SCARA5: variants seen among roughly 807,000 people sequenced by gnomAD.
SCARA5 encodes scavenger receptor class A member 5, also known as scavenger receptor class A, member 5 (putative).
In SCARA5, 45 loss-of-function variants were observed where a neutral mutation model predicts 46.3. That is an observed-to-expected ratio of 0.97 (90% CI 0.76 to 1.24). The LOEUF (loss-of-function observed/expected upper bound fraction) is 1.24. Ranked by LOEUF, SCARA5 falls within the 50% of genes most tolerant of loss-of-function variation. SCARA5 has a pLI of 0.00. For missense variants in SCARA5, 680 were observed against 689.0 expected, an observed-to-expected ratio of 0.99 and a Z score of 0.15; for synonymous variants, 333 against 306.5, an observed-to-expected ratio of 1.09 and a Z score of -0.90.
chr8:27,919,500 C>T (rs142987916), intron 4 of SCARA5, among the ~76,000 whole-genome samples: 22 of 152,222 alleles, frequency 1.4e-4, no homozygotes, highest in Non-Finnish European at 1.6e-4. Flanking sequence ...CAGACCTTGT[C>T]AACCTGGGTC....
chr8:27,974,330 T>G (rs1808491531), intron 2 of SCARA5, among the ~76,000 whole-genome samples: 1 of 152,164 alleles, frequency 6.6e-6, no homozygotes, highest in Admixed American at 6.5e-5. Context: ...AGTTTCTTAG[T>G]CATAATTTTA....
intron 3 of SCARA5, among the ~76,000 whole-genome samples, chr8:27,948,371 G>A (rs1808069959): frequency 6.6e-6 from 1 of 152,204 alleles, no homozygotes; most frequent in African/African-American, 2.4e-5. Flanking sequence ...AGGCAGGGAG[G>A]CCCCAGCTCA....
intron 3 of SCARA5, among the ~76,000 whole-genome samples, chr8:27,952,749 C>T (rs1459098961): frequency 2.6e-5 from 4 of 152,204 alleles, no homozygotes; most frequent in Non-Finnish European, 5.9e-5. Context: ...GGACAATGGA[C>T]TGTGTGCAAG....
intron 7 of SCARA5, among the ~76,000 whole-genome samples, chr8:27,884,131 C>T (rs551615993): frequency 7.7e-4 from 117 of 152,282 alleles, no homozygotes; most frequent in Non-Finnish European, 1.4e-3. Context: ...AAGACTACAG[C>T]GAGAGCACCA....
chr8:27,935,320 G>T (rs6989421), intron 3 of SCARA5, among the ~76,000 whole-genome samples: 5,082 of 152,250 alleles, frequency 0.033, 279 homozygotes, highest in African/African-American at 0.11. Context: ...TAAAGAAGAG[G>T]TCACAGCATC....
chr8:27,904,003 G>A (rs1012965017), intron 7 of SCARA5, among the ~76,000 whole-genome samples: 8 of 142,268 alleles, frequency 5.6e-5, no homozygotes, highest in African/African-American at 2.1e-4. Flanking sequence ...ATTCTTCTCT[G>A]GCAAGTCTCC....
intron 3 of SCARA5, among the ~76,000 whole-genome samples, chr8:27,953,387 A>G (rs1029753600): frequency 6.6e-6 from 1 of 152,232 alleles, no homozygotes; most frequent in Non-Finnish European, 1.5e-5. Context: ...ATTTTCATTG[A>G]CGCATTGCTC....
Position 27,879,606 on chromosome 8 carries a change from A to T in SCARA5, c.1314T>A (p.Gly438=). 3 of 1,610,524 alleles carry T rather than the reference A, an allele frequency of 1.9e-6. No individual in the cohort carries two copies. Residue 438 remains glycine, a synonymous_variant, in exon 8 of 9, where the codon GGT becomes GGA. Coordinates refer to ENST00000354914, the MANE Select transcript of SCARA5 (RefSeq NM_173833.6). ...DVVCRMLGFR[G]VEEVYRTARF... is the part of the protein sequence containing the mutation. ...GAGCTGTGCGGTACACCTCCTCCAC[A>T]CCGCGGAAGCCGAGCATGCGGCACA...
At chr8:27,921,213 C>T (rs544192891) in intron 4 of SCARA5, among the ~76,000 whole-genome samples, 1 of 152,356 alleles carries the variant, frequency 6.6e-6, no homozygotes, top group South Asian at 2.1e-4. Context: ...GTTCTGCCCC[C>T]AGCCTCAAGC....
rs1376825992 is a variant in SCARA5 at position 27,922,031 on chromosome 8, C to T, written c.456G>A (p.Ala152=). ...LAGAVQRLEG[A]LWGLQAQAVQ... is the part of the protein sequence containing the mutation. ...CCGCCTGCGCCTGCAGCCCCCACAG[C>T]GCGCCCTCCAGCCGCTGCACTGCGC... Residue 152 remains alanine, a synonymous_variant, in exon 4 of 9, where the codon GCG becomes GCA. Coordinates refer to ENST00000354914, the MANE Select transcript of SCARA5 (RefSeq NM_173833.6). 9 of 1,572,754 alleles carry T rather than the reference C, an allele frequency of 5.7e-6. No individual in the cohort carries two copies. The highest frequency in any genetic ancestry group is 4.1e-5 in the African/African-American group (3 of 73,288).
At chr8:27,954,174 C>A (rs1255853789) in intron 3 of SCARA5, among the ~76,000 whole-genome samples, 1 of 152,170 alleles carries the variant, frequency 6.6e-6, no homozygotes, top group African/African-American at 2.4e-5. Context: ...GGTACCAGGA[C>A]CCTCTGCTGT....
intron 4 of SCARA5, among the ~76,000 whole-genome samples, chr8:27,919,000 G>A (rs1585488845): frequency 7.5e-6 from 1 of 134,190 alleles, no homozygotes; most frequent in African/African-American, 2.9e-5. Flanking sequence ...GAAGGGAGGA[G>A]GAGGAGAGAA....
chr8:27,892,605 C>CTTTTTTTTTTTTTTTTTTTTTTT (rs1224026831), intron 7 of SCARA5, among the ~76,000 whole-genome samples: 2 of 119,788 alleles, frequency 1.7e-5, no homozygotes, highest in African/African-American at 2.9e-5. Flanking sequence ...CATACCTCAC[C>CTTTTTTTTTTTTTTTTTTTTTTT]CTTTTTTTTT....
At chr8:27,981,603 G>A (rs1808616389) in intron 2 of SCARA5, among the ~76,000 whole-genome samples, 1 of 152,172 alleles carries the variant, frequency 6.6e-6, no homozygotes, top group Non-Finnish European at 1.5e-5. Context: ...CCCTGCACTG[G>A]GTCTGAGTTC....
Position 27,871,616 on chromosome 8 carries a change from A to G in SCARA5, c.*318T>C. The G allele has an allele frequency of 8.3e-7, 1 of 1,211,294 alleles. No homozygotes were observed. Among genetic ancestry groups the G allele is most frequent in the East Asian group, 4.1e-5 (1 of 24,536 alleles). 75.0% of individuals were successfully genotyped at this position (1,211,294 alleles called of 1,614,324 possible). A position where few individuals can be genotyped will look rare whatever the true frequency, so the allele number is the denominator to read the frequency against. On this transcript the variant is annotated 3_prime_UTR_variant, in exon 9 of 9. Coordinates refer to ENST00000354914, the MANE Select transcript of SCARA5 (RefSeq NM_173833.6). ...CATTCACCTGTAACTAAAAGGCCAA[A>G]GGGAACTGGGATATTGAGGCCTGGT...
chr8:27,884,204 C>T (rs372393163), intron 7 of SCARA5, among the ~76,000 whole-genome samples: 1 of 152,160 alleles, frequency 6.6e-6, no homozygotes, highest in Non-Finnish European at 1.5e-5. Flanking sequence ...GCCAGGTGAC[C>T]GTTCTCCCCA....
At chr8:27,897,787 CCA>C (rs1414250600) in intron 7 of SCARA5, among the ~76,000 whole-genome samples, 3 of 152,246 alleles carry the variant, frequency 2.0e-5, no homozygotes, top group African/African-American at 7.2e-5. Context: ...CTCCCAAGTC[CCA>C]CACACTCACC....
At chr8:27,984,729 C>CATTCATT (rs1474832994) in intron 2 of SCARA5, among the ~76,000 whole-genome samples, 1 of 151,984 alleles carries the variant, frequency 6.6e-6, no homozygotes, top group Non-Finnish European at 1.5e-5. Flanking sequence ...TCCATCTATC[C>CATTCATT]ATTCATTATT....
Position 27,989,831 on chromosome 8 carries a change from G to A in SCARA5, c.-15-2201C>T, listed in dbSNP as rs562985672. Among the ~76,000 whole-genome samples the A allele has an allele frequency of 6.6e-5, 10 of 152,332 alleles. No individual in the cohort carries two copies. In the East Asian group the frequency reaches 9.7e-4, roughly 15 times the overall value. ...AGGCAGGGCCTCTAGGTGGGGCCGC[G>A]GGCAGCTCCAGCACTGCTAAGTTGC... On this transcript the variant is annotated intron_variant, in intron 1 of 8. Coordinates refer to ENST00000354914, the MANE Select transcript of SCARA5 (RefSeq NM_173833.6).
Sources: gnomAD v4.1 joint callset for allele counts (sites outside exome capture counted in the v4.1 genomes callset) on GRCh38, gnomAD v4.1.1 for gene constraint, MANE v1.5 for transcripts, NCBI Gene and HGNC (gene_info 2026-07-23, HGNC 2026-07-21) for gene names.